Variants in GNA15 observed in about 807,000 individuals in gnomAD.
GNA15 encodes the protein guanine nucleotide-binding protein subunit alpha-15.
In GNA15, 23 loss-of-function variants were observed where a neutral mutation model predicts 40.1. The observed-to-expected ratio is 0.57, with a 90% CI of 0.41 to 0.81. GNA15 has a LOEUF of 0.81. Ranked by LOEUF, GNA15 falls within the 40% of genes least tolerant of loss-of-function variation. The pLI is 0.00. For missense variants in GNA15, 522 were observed against 515.8 expected (o/e 1.01, Z -0.12); for synonymous variants, 226 against 210.4 (o/e 1.07, Z -0.64).
At chr19:3,145,336 A>AATATATATATATATATATATATAT (rs1191752115) in intron 1 of GNA15, among the ~76,000 whole-genome samples, 5 of 60,204 alleles carry the variant, frequency 8.3e-5, no homozygotes, top group East Asian at 4.6e-4. Context: ...CGTCTGACTA[A>AATATATATATATATATATATATAT]ATATATATAT....
At chr19:3,156,617 G>A (rs1042976954) in intron 5 of GNA15, among the ~76,000 whole-genome samples, 3 of 151,240 alleles carry the variant, frequency 2.0e-5, no homozygotes, top group African/African-American at 7.3e-5. Flanking sequence ...CTCAGCCTCC[G>A]GAGTAGGTGG....
chr19:3,147,759 T>C (rs62127295), intron 1 of GNA15, among the ~76,000 whole-genome samples: 112,757 of 150,070 alleles, frequency 0.75, 42,451 homozygotes, highest in African/African-American at 0.8. Context: ...TGGTGGCGGG[T>C]GCCTGTAGTC....
chr19:3,151,757 C>G lies in GNA15; in HGVS notation c.536C>G (p.Ala179Gly), dbSNP rs1318333423. 10 of 1,612,190 alleles carry G rather than the reference C, an allele frequency of 6.2e-6. 1 individual carries two copies. The highest frequency in any genetic ancestry group is 1.7e-4 in the Middle Eastern group (1 of 6,058). Residue 179 changes from alanine (A) to glycine (G), a missense_variant, in exon 4 of 7, where the codon GCT becomes GGT. Physicochemically the swap from Ala to Gly is moderately conservative, Grantham distance 60. Transcript: ENST00000262958. The surrounding 1 kb of genome is among the most constrained non-coding windows in gnomAD (Gnocchi z 5.0). The part of the protein sequence containing the change: ...RITEEGYVPT[A>G]QDVLRSRMPT... The stretch of plus-strand genomic sequence containing the variant: ...ACCGAGGAGGGCTACGTCCCCACAG[C>G]TCAGGACGTGCTCCGCAGCCGCATG...
At chr19:3,149,975 C>A (rs2144852987) in intron 2 of GNA15, 156 bp from the exon 3 acceptor site, 2 of 614,014 alleles carry the variant, frequency 3.3e-6, no homozygotes, top group South Asian at 3.9e-5. Context: ...GAGGACAAAT[C>A]AGAAGTGTGC....
chr19:3,140,130 T>G (rs774612336), intron 1 of GNA15, among the ~76,000 whole-genome samples: 14 of 151,600 alleles, frequency 9.2e-5, no homozygotes, highest in Non-Finnish European at 1.6e-4. Flanking sequence ...TTATGACGTA[T>G]CATATCGATA....
chr19:3,145,890 C>T (rs1321603546), intron 1 of GNA15, among the ~76,000 whole-genome samples: 1 of 151,740 alleles, frequency 6.6e-6, no homozygotes, highest in African/African-American at 2.4e-5. Context: ...TAGACATGAC[C>T]CCTGGAGAAA....
intron 2 of GNA15, 37 bp from the exon 3 acceptor site, chr19:3,150,093 GA>G: frequency 6.3e-7 from 1 of 1,596,208 alleles, no homozygotes; most frequent in Non-Finnish European, 8.5e-7. Flanking sequence ...GCCCCACTCA[GA>G]AAGGCTACCC....
In GNA15 at chr19:3,155,914, A is replaced by G. The variant is rs762017781; in HGVS notation, c.706A>G (p.Ser236Gly). ...VIALIYLASL[S>G]EYDQCLEENN... The stretch of plus-strand genomic sequence containing the variant: ...CGCCCTCATCTACCTGGCCTCACTG[A>G]GTGAATACGACCAGTGCCTGGAGGA... Residue 236 changes from serine (S) to glycine (G), a missense_variant, in exon 5 of 7, where the codon AGT (serine) becomes GGT (glycine). Ser to Gly is a moderately conservative substitution (Grantham distance 56). Transcript: ENST00000262958. This position sits in a 1 kb window ranked among gnomAD's most constrained non-coding sequence, Gnocchi z 5.6. 8.7e-6 allele frequency: 14 copies of G among 1,613,796 alleles called. No individual in the cohort carries two copies. Among genetic ancestry groups the G allele is most frequent in the Non-Finnish European group, 1.2e-5 (14 of 1,179,776 alleles).
chr19:3,139,194 C>T (rs1488272132), intron 1 of GNA15, among the ~76,000 whole-genome samples: 2 of 152,064 alleles, frequency 1.3e-5, no homozygotes, highest in Non-Finnish European at 2.9e-5. Context: ...GATCCTACCA[C>T]CTTGGCCTCC....
Position 3,136,457 on chromosome 19 carries a change from C to G in GNA15, c.7C>G (p.Arg3Gly). 6.5e-7 allele frequency: 1 copy of G among 1,549,380 alleles called. No homozygotes were observed. The highest frequency in any genetic ancestry group is 8.7e-7 in the Non-Finnish European group (1 of 1,147,080). The change falls in exon 1 of 7, where the codon CGC becomes GGC. Residue 3 changes from arginine (R) to glycine (G), a missense_variant. Transcript: ENST00000262958. This position sits in a 1 kb window ranked among gnomAD's most constrained non-coding sequence, Gnocchi z 4.9. The stretch of plus-strand genomic sequence containing the variant: ...CGACTGAGGCCACCGCACCATGGCC[C>G]GCTCGCTGACCTGGCGCTGCTGCCC... MA[R>G]SLTWRCCPWC...
In GNA15 at chr19:3,162,928, G is replaced by A; in HGVS notation, c.1034G>A (p.Cys345Tyr). Residue 345 changes from cysteine to tyrosine, a missense_variant, in exon 7 of 7, where the codon TGT becomes TAT. Cys to Tyr is a radical substitution (Grantham distance 194). Coordinates refer to ENST00000262958, the MANE Select transcript of GNA15 (RefSeq NM_002068.4). The part of the protein sequence containing the change: ...RSRRLFSHYT[C>Y]ATDTQNIRKV... ...CGACGCCTCTTCAGCCACTACACAT[G>A]TGCCACAGACACACAGAACATCCGC... 6.2e-7 allele frequency: 1 copy of A among 1,614,100 alleles called. No individual in the cohort carries two copies. The highest frequency in any genetic ancestry group is 8.5e-7 in the Non-Finnish European group (1 of 1,179,964).
intron 2 of GNA15, chr19:3,149,888 C>G: frequency 2.2e-6 from 1 of 449,284 alleles, no homozygotes; most frequent in Non-Finnish European, 4.0e-6. Flanking sequence ...TGGGCTCGCC[C>G]GAGCACATGT....
At chr19:3,162,769 C>G in intron 6 of GNA15, 24 bp from the exon 7 acceptor site, 1 of 1,550,458 alleles carries the variant, frequency 6.4e-7, no homozygotes, top group Non-Finnish European at 8.9e-7. Flanking sequence ...GGGTCCTCAC[C>G]CCCTTCCCAC....
chr19:3,144,758 G>C (rs1209161828), intron 1 of GNA15, among the ~76,000 whole-genome samples: 3 of 151,544 alleles, frequency 2.0e-5, no homozygotes, highest in African/African-American at 7.3e-5. Context: ...TCGATCTCCT[G>C]ACCTCGTGAT....
chr19:3,150,523 T>C (rs1914855440), intron 3 of GNA15, among the ~76,000 whole-genome samples: 1 of 151,948 alleles, frequency 6.6e-6, no homozygotes, highest in African/African-American at 2.4e-5. Flanking sequence ...TGGACCCTGT[T>C]CCTTGGGACT....
At chr19:3,150,482 A>T (rs1025803120) in intron 3 of GNA15, among the ~76,000 whole-genome samples, 197 bp downstream of exon 3, 3 of 151,642 alleles carry the variant, frequency 2.0e-5, no homozygotes, top group Non-Finnish European at 4.4e-5. Flanking sequence ...TCCTGGGGGA[A>T]CTCCCTTCAT....
Position 3,150,215 on chromosome 19 carries a change from T to C in GNA15, c.415T>C (p.Trp139Arg). 1 of 1,611,564 alleles carries C rather than the reference T, an allele frequency of 6.2e-7. No individual in the cohort carries two copies. The highest frequency in any genetic ancestry group is 8.5e-7 in the Non-Finnish European group (1 of 1,179,238). ...KRYAAAMQWL[W>R]RDAGIRACYE... is the part of the protein sequence containing the mutation. Reference sequence around the variant, plus strand: ...CTACGCTGCGGCCATGCAGTGGCTGTGGAGGGATGCCGGCATCCGGGCCTG... The same window carrying C: ...CTACGCTGCGGCCATGCAGTGGCTGCGGAGGGATGCCGGCATCCGGGCCTG... Residue 139 changes from tryptophan to arginine, a missense_variant, in exon 3 of 7, where the codon TGG (tryptophan) becomes CGG (arginine). By Grantham distance (101) the Trp-to-Arg change is moderately radical. Coordinates refer to ENST00000262958, the MANE Select transcript of GNA15 (RefSeq NM_002068.4).
At chr19:3,143,535 A>C (rs401445) in intron 1 of GNA15, among the ~76,000 whole-genome samples, 63,772 of 151,942 alleles carry the variant, frequency 0.42, 13,788 homozygotes, top group African/African-American at 0.5. Flanking sequence ...ACCTGTAATG[A>C]CAGCTAGTCT....
chr19:3,150,141 G>T lies in GNA15; in HGVS notation c.341G>T (p.Ser114Ile). 6.2e-7 allele frequency: 1 copy of T among 1,613,182 alleles called. No individual in the cohort carries two copies. Among genetic ancestry groups the T allele is most frequent in the Non-Finnish European group, 8.5e-7 (1 of 1,179,848 alleles). Residue 114 changes from serine to isoleucine, a missense_variant, in exon 3 of 7, where the codon AGC becomes ATC. By Grantham distance (142) the Ser-to-Ile change is moderately radical (BLOSUM62 -2). Coordinates refer to ENST00000262958, the MANE Select transcript of GNA15 (RefSeq NM_002068.4). Reference protein sequence around the residue: ...FSRPESKHHASLVMSQDPYKV... With the variant: ...FSRPESKHHAILVMSQDPYKV... ...GTCCTCCCTCCCCAGCACCACGCTA[G>T]CCTGGTCATGAGCCAGGACCCCTAT...
Sources: allele counts gnomAD v4.1 joint callset (sites outside exome capture counted in the v4.1 genomes callset), GRCh38; gene constraint gnomAD v4.1.1; non-coding constraint Gnocchi (gnomAD v3.1); transcripts MANE v1.5; gene names NCBI Gene and HGNC (gene_info 2026-07-23, HGNC 2026-07-21).